Variants in AGT observed in about 807,000 individuals in gnomAD.
AGT encodes angiotensinogen, also known as alpha-1 antiproteinase, antitrypsin.
AGT carries 26 observed loss-of-function variants against 28.1 expected under a neutral mutation model. That is an observed-to-expected ratio of 0.92 (90% CI 0.68 to 1.28). AGT has a LOEUF of 1.28. AGT is among the 50% of genes most tolerant of loss of function. AGT has a pLI of 0.00. For missense variants in AGT, 596 were observed against 592.3 expected, an observed-to-expected ratio of 1.01 and a Z score of -0.06; for synonymous variants, 259 against 259.6, an observed-to-expected ratio of 1.00 and a Z score of 0.02.
intron 1 of AGT, among the ~76,000 whole-genome samples, chr1:230,719,615 GCCAGGGTGGT>G (rs1381936606): frequency 3.9e-5 from 6 of 151,932 alleles, no homozygotes; most frequent in Non-Finnish European, 7.4e-5. Flanking sequence ...CACCGTGTTA[GCCAGGGTGGT>G]CTCGATCTCC....
At chr1:230,722,975 C>G (rs1307291888) in intron 1 of AGT, among the ~76,000 whole-genome samples, 1 of 152,134 alleles carries the variant, frequency 6.6e-6, no homozygotes, top group African/African-American at 2.4e-5. Flanking sequence ...TCTGTGTCCC[C>G]ACCCAAATTT....
chr1:230,718,594 T>A (rs867374588), upstream of AGT, among the ~76,000 whole-genome samples: 39 of 148,182 alleles, frequency 2.6e-4, no homozygotes, highest in Middle Eastern at 3.5e-3. Context: ...ATATTCACTT[T>A]AAAAAAAAAA....
chr1:230,717,671 C>T (rs1308339159), upstream of AGT, among the ~76,000 whole-genome samples: 2 of 152,170 alleles, frequency 1.3e-5, no homozygotes, highest in Non-Finnish European at 2.9e-5. Flanking sequence ...AGCCTACTGT[C>T]CTGCATCCCA....
intron 1 of AGT, among the ~76,000 whole-genome samples, chr1:230,723,780 A>G (rs1571983588): frequency 6.6e-6 from 1 of 152,168 alleles, no homozygotes; most frequent in African/African-American, 2.4e-5. Flanking sequence ...AAGCAGTTTT[A>G]TGGTTCTTAA....
chr1:230,703,946 C>T (rs533833185), intron 4 of AGT, among the ~76,000 whole-genome samples: 1 of 152,270 alleles, frequency 6.6e-6, no homozygotes, highest in East Asian at 1.9e-4. Flanking sequence ...AAGGCAAGGC[C>T]AAGCAGGACC....
intron 1 of AGT, among the ~76,000 whole-genome samples, chr1:230,721,920 C>T (rs1306332268): frequency 6.6e-6 from 1 of 152,208 alleles, no homozygotes; most frequent in Non-Finnish European, 1.5e-5. Context: ...AAGCCAGCTG[C>T]ACAAATTTGC....
intron 1 of AGT, among the ~76,000 whole-genome samples, chr1:230,738,248 G>A (rs552154626): frequency 1.3e-5 from 2 of 152,320 alleles, no homozygotes; most frequent in East Asian, 1.9e-4. Context: ...GTAACTCTAT[G>A]TCTAGTTGTT....
At chr1:230,718,458 T>G (rs1357927296), upstream of AGT, among the ~76,000 whole-genome samples, 1 of 152,138 alleles carries the variant, frequency 6.6e-6, no homozygotes, top group Non-Finnish European at 1.5e-5. Context: ...ATAGTCCTCA[T>G]GTTGTACGCT....
intron 1 of AGT, among the ~76,000 whole-genome samples, chr1:230,740,874 G>A (rs990573818): frequency 9.9e-5 from 15 of 152,158 alleles, no homozygotes; most frequent in Middle Eastern, 3.2e-3. Context: ...GCTTGAACCC[G>A]GGAGGTGGGT....
In AGT at chr1:230,720,399, A is replaced by G. The variant is rs796319620; in HGVS notation, c.-30-9546T>C. On this transcript the variant is annotated intron_variant, in intron 1 of 4. Coordinates refer to the AGT transcript ENST00000681269. ...TGTTGGAGGCTGACTACAACCCCCT[A>G]TTCCCTACCCCTTTCCCCTTTGTCC... is the stretch of plus-strand genomic sequence containing the variant. Among the ~76,000 whole-genome samples the G allele has an allele frequency of 4.6e-5, 7 of 152,324 alleles. 1 individual carries two copies. The highest frequency in any genetic ancestry group is 1.2e-4 in the African/African-American group (5 of 41,582).
intron 1 of AGT, among the ~76,000 whole-genome samples, chr1:230,722,808 T>G (rs1571983254): frequency 6.6e-6 from 1 of 152,228 alleles, no homozygotes; most frequent in South Asian, 2.1e-4. Context: ...GGCAGAAGGG[T>G]CTTGCCTTGT....
upstream of AGT, among the ~76,000 whole-genome samples, chr1:230,716,810 G>A (rs1663746691): frequency 6.6e-6 from 1 of 151,854 alleles, no homozygotes; most frequent in African/African-American, 2.4e-5. Context: ...AGCAGCGTGA[G>A]AACAGATACC....
At chr1:230,716,153 T>TGGGGGATCTTCTACG (rs1179618900), upstream of AGT, among the ~76,000 whole-genome samples, 1 of 152,220 alleles carries the variant, frequency 6.6e-6, no homozygotes, top group Non-Finnish European at 1.5e-5. Flanking sequence ...GACTATCAGC[T>TGGGGGATCTTCTACG]GGGGGATCTT....
intron 1 of AGT, among the ~76,000 whole-genome samples, chr1:230,736,670 C>G (rs1311086430): frequency 6.6e-6 from 1 of 152,150 alleles, no homozygotes; most frequent in Non-Finnish European, 1.5e-5. Flanking sequence ...TTTTCACTAC[C>G]TCAGCTTTCT....
At chr1:230,712,644 G>A (rs1159968578) in intron 1 of AGT, among the ~76,000 whole-genome samples, 1 of 152,232 alleles carries the variant, frequency 6.6e-6, no homozygotes, top group South Asian at 2.1e-4. Context: ...TTTGGATGGC[G>A]CTGGTCGATG....
chr1:230,736,514 A>G (rs1664160828), intron 1 of AGT, among the ~76,000 whole-genome samples: 1 of 152,146 alleles, frequency 6.6e-6, no homozygotes. Flanking sequence ...GCGAGACTCC[A>G]TCTCGAAAAA....
intron 1 of AGT, 140 bp from the exon 2 acceptor site, chr1:230,710,993 A>C: frequency 8.5e-7 from 1 of 1,173,858 alleles, no homozygotes; most frequent in Non-Finnish European, 1.2e-6. Flanking sequence ...AAAAAAAAGA[A>C]GAAATGGATT....
chr1:230,745,460 A>G (rs1290338128), intron 1 of AGT, among the ~76,000 whole-genome samples: 1 of 152,252 alleles, frequency 6.6e-6, no homozygotes, highest in Non-Finnish European at 1.5e-5. Flanking sequence ...TCAGGCTTCT[A>G]TAACAAAACA....
chr1:230,733,383 A>G (rs1430549819), intron 1 of AGT, among the ~76,000 whole-genome samples: 1 of 152,144 alleles, frequency 6.6e-6, no homozygotes, highest in Admixed American at 6.5e-5. Context: ...GTGTTTCCAA[A>G]TACACTTTTC....
Sources: gnomAD v4.1 joint callset for allele counts (sites outside exome capture counted in the v4.1 genomes callset) on GRCh38, gnomAD v4.1.1 for gene constraint, MANE v1.5 for transcripts, NCBI Gene and HGNC (gene_info 2026-07-23, HGNC 2026-07-21) for gene names.